Variants in TEAD1 observed in about 807,000 individuals in gnomAD.
TEAD1 encodes the protein transcriptional enhancer factor TEF-1.
A neutral mutation model predicts 54.9 loss-of-function variants in TEAD1; 9 were observed. The ratio of observed to expected loss-of-function variants is 0.16; its 90% confidence interval spans 0.10 to 0.29. The LOEUF (loss-of-function observed/expected upper bound fraction) is 0.29, where lower values mean the gene tolerates loss of function less well. TEAD1 is among the 10% of genes least tolerant of loss of function. TEAD1 has a pLI of 1.00. For synonymous variants in TEAD1, 200 were observed against 187.8 expected (o/e 1.07, Z -0.53); for missense variants, 387 against 535.9 (o/e 0.72, Z 2.74).
chr11:12,845,005 G>T (rs546767689), intron 3 of TEAD1, among the ~76,000 whole-genome samples: 1 of 119,048 alleles, frequency 8.4e-6, no homozygotes, highest in Non-Finnish European at 1.6e-5. Context: ...CTCGCCTGTC[G>T]CCCAGGCTAA....
intron 2 of TEAD1, among the ~76,000 whole-genome samples, chr11:12,724,784 C>T (rs768420017): frequency 5.9e-5 from 9 of 152,196 alleles, no homozygotes; most frequent in African/African-American, 1.2e-4. Context: ...CTCTCCTCCT[C>T]GCCCCTCCTT....
At chr11:12,746,314 A>G (rs533131579) in intron 2 of TEAD1, among the ~76,000 whole-genome samples, 1 of 152,294 alleles carries the variant, frequency 6.6e-6, no homozygotes, top group African/African-American at 2.4e-5. Flanking sequence ...TAGCTTCGAC[A>G]TGTTTGGATT....
chr11:12,866,091 C>G (rs538625069), intron 5 of TEAD1, among the ~76,000 whole-genome samples: 2 of 152,264 alleles, frequency 1.3e-5, no homozygotes, highest in African/African-American at 2.4e-5. Flanking sequence ...CTGGCTCGCT[C>G]GCACGTGTGG....
intron 3 of TEAD1, among the ~76,000 whole-genome samples, chr11:12,771,555 G>A (rs1029667528): frequency 5.3e-5 from 8 of 152,306 alleles, no homozygotes; most frequent in South Asian, 2.1e-4. Flanking sequence ...ACTGTTAAGC[G>A]AGATGGGGAG....
At chr11:12,805,692 A>G (rs950785672) in intron 3 of TEAD1, among the ~76,000 whole-genome samples, 1 of 152,182 alleles carries the variant, frequency 6.6e-6, no homozygotes, top group Admixed American at 6.5e-5. Flanking sequence ...AAGACAGCCC[A>G]TGGAGTTTTA....
chr11:12,708,657 G>C lies in TEAD1; in HGVS notation c.-55+33096G>C, dbSNP rs566185234. Among the ~76,000 whole-genome samples the C allele has an allele frequency of 1.4e-4, 21 of 152,216 alleles. No homozygotes were observed. In the East Asian group the frequency reaches 1.5e-3, roughly 11 times the overall value. ...GCATTGTACAAGTATACACAAAAGG[G>C]TGTTCCTCCGCACCATAATGTTTAG... On this transcript the variant is annotated intron_variant, in intron 2 of 12. Transcript: ENST00000527636.
intron 3 of TEAD1, among the ~76,000 whole-genome samples, chr11:12,767,392 G>A (rs58078137): frequency 0.035 from 5,267 of 152,248 alleles, 327 homozygotes; most frequent in African/African-American, 0.12. Flanking sequence ...AATAAAAACG[G>A]TTTAGTCTTT....
chr11:12,763,542 AG>A (rs1305448654), intron 2 of TEAD1, among the ~76,000 whole-genome samples: 1 of 152,258 alleles, frequency 6.6e-6, no homozygotes, highest in Non-Finnish European at 1.5e-5. Context: ...CTGTCTCAGT[AG>A]AATGAGTATG....
chr11:12,778,124 T>A (rs778011662), intron 3 of TEAD1, among the ~76,000 whole-genome samples: 5 of 152,208 alleles, frequency 3.3e-5, no homozygotes, highest in Non-Finnish European at 7.3e-5. Flanking sequence ...TATCTTACAT[T>A]ACAGATGAGG....
intron 3 of TEAD1, among the ~76,000 whole-genome samples, chr11:12,856,567 G>T (rs1056357575): frequency 6.6e-6 from 1 of 152,178 alleles, no homozygotes; most frequent in African/African-American, 2.4e-5. Context: ...GGAAACATTC[G>T]ATAATCTAGT....
At chr11:12,900,985 C>T (rs1381414549) in intron 9 of TEAD1, among the ~76,000 whole-genome samples, 1 of 152,192 alleles carries the variant, frequency 6.6e-6, no homozygotes, top group Non-Finnish European at 1.5e-5. Flanking sequence ...TGGAGTATAA[C>T]GTCTAGACCA....
intron 4 of TEAD1, among the ~76,000 whole-genome samples, chr11:12,863,557 C>T (rs933345255): frequency 2.0e-5 from 3 of 151,992 alleles, no homozygotes; most frequent in South Asian, 2.1e-4. Context: ...ATAAAAGGAC[C>T]GTTTATTATA....
chr11:12,879,025 C>A, intron 5 of TEAD1: 1 of 684,566 alleles, frequency 1.5e-6, no homozygotes, highest in South Asian at 1.8e-5. Context: ...GGAGAAACCA[C>A]GTACCTGTAG....
chr11:12,850,654 CA>C (rs1294430618), intron 3 of TEAD1, among the ~76,000 whole-genome samples: 8 of 152,118 alleles, frequency 5.3e-5, no homozygotes, highest in African/African-American at 1.9e-4. Context: ...ACCTTTGAGT[CA>C]AAAAACCAGA....
At chr11:12,837,021 C>G (rs1946905872) in intron 3 of TEAD1, among the ~76,000 whole-genome samples, 1 of 152,180 alleles carries the variant, frequency 6.6e-6, no homozygotes, top group Non-Finnish European at 1.5e-5. Context: ...CCCACAGTGA[C>G]TTTTTCTCAA....
At position 12,908,883 on chromosome 11, in the gene TEAD1, G is replaced by GTTTTTTTTTTTTTTTTTTTT. The variant is rs60042137; in HGVS notation, c.873+6783_873+6784insTTTTTTTTTTTTTTTTTTTT. ...TATGTCAGTATACTTCAAATTATCT[G>GTTTTTTTTTTTTTTTTTTTT]TTTTTTTTTTTTTGAGACAGTGTTG... On this transcript the variant is annotated intron_variant, in intron 10 of 12. Coordinates refer to ENST00000527636, the MANE Select transcript of TEAD1 (RefSeq NM_021961.6). 4.5e-4 allele frequency among the ~76,000 whole-genome samples: 45 copies of GTTTTTTTTTTTTTTTTTTTT among 99,652 alleles called. 2 individuals carry two copies. Among genetic ancestry groups the GTTTTTTTTTTTTTTTTTTTT allele is most frequent in the African/African-American group, 1.3e-3 (42 of 31,368 alleles). 65.4% of individuals were successfully genotyped at this position (99,652 alleles called of 152,430 possible). A position where few individuals can be genotyped will look rare whatever the true frequency, so the allele number is the denominator to read the frequency against.
At chr11:12,710,731 A>G (rs1943918939) in intron 2 of TEAD1, among the ~76,000 whole-genome samples, 1 of 152,144 alleles carries the variant, frequency 6.6e-6, no homozygotes, top group Non-Finnish European at 1.5e-5. Context: ...TCAGCAAGAG[A>G]GAGAAATAGA....
intron 2 of TEAD1, among the ~76,000 whole-genome samples, chr11:12,703,966 C>T (rs949893925): frequency 6.6e-6 from 1 of 152,150 alleles, no homozygotes; most frequent in African/African-American, 2.4e-5. Flanking sequence ...CCTAAATTCC[C>T]TAGAAGCAGA....
chr11:12,757,083 A>G (rs1944997670), intron 2 of TEAD1, among the ~76,000 whole-genome samples: 1 of 152,162 alleles, frequency 6.6e-6, no homozygotes, highest in Non-Finnish European at 1.5e-5. Context: ...CAACCATGTG[A>G]TTCTCTTTCT....
Sources: allele counts gnomAD v4.1 joint callset (sites outside exome capture counted in the v4.1 genomes callset), GRCh38; gene constraint gnomAD v4.1.1; transcripts MANE v1.5; gene names NCBI Gene and HGNC (gene_info 2026-07-23, HGNC 2026-07-21).